Variants in FAAH2 observed in about 807,000 individuals in gnomAD.
FAAH2 encodes fatty-acid amide hydrolase 2.
In FAAH2, 60 loss-of-function variants were observed where a neutral mutation model predicts 36.9. That is an observed-to-expected ratio of 1.63 (90% CI 1.32 to 2.02). The LOEUF (loss-of-function observed/expected upper bound fraction) is 2.02. Ranked by LOEUF, FAAH2 falls within the 30% of genes most tolerant of loss-of-function variation. FAAH2 has a pLI of 0.00. For synonymous variants in FAAH2, 214 were observed against 143.8 expected, an observed-to-expected ratio of 1.49 and a Z score of -3.49; for missense variants, 689 against 397.5, an observed-to-expected ratio of 1.73 and a Z score of -6.23.
At chrX:57,180,703 T>C in the FAAH2 span, among the ~76,000 whole-genome samples, 1 of 110,553 alleles carries the variant, frequency 9.0e-6, no homozygotes, top group African/African-American at 3.3e-5. Flanking sequence ...CCACCAGAGG[T>C]AAAAAGAAGA....
At chrX:57,216,549 T>C in the FAAH2 span, among the ~76,000 whole-genome samples, 187 of 52,336 alleles carry the variant, frequency 3.6e-3, 8 homozygotes, top group African/African-American at 0.016. Context: ...TATACGTATA[T>C]GTATATATAT....
the FAAH2 span, among the ~76,000 whole-genome samples, chrX:57,233,267 C>A: frequency 4.5e-5 from 5 of 111,199 alleles, no homozygotes; most frequent in Non-Finnish European, 7.5e-5. Context: ...TCTGACCTCC[C>A]CTCTTTCTAT....
chrX:57,150,005 A>C, the FAAH2 span, among the ~76,000 whole-genome samples: 1 of 111,136 alleles, frequency 9.0e-6, no homozygotes, highest in Non-Finnish European at 1.9e-5. Flanking sequence ...TTCTGCCTTC[A>C]TTTTGTTATC....
At chrX:57,141,497 G>A in the FAAH2 span, among the ~76,000 whole-genome samples, 1 of 111,857 alleles carries the variant, frequency 8.9e-6, no homozygotes, top group Non-Finnish European at 1.9e-5. Flanking sequence ...AATGGTTTGA[G>A]TAGGATTTGT....
intron 3 of FAAH2, among the ~76,000 whole-genome samples, chrX:57,330,782 C>T (rs1486424284): frequency 9.0e-6 from 1 of 110,979 alleles, no homozygotes; most frequent in Non-Finnish European, 1.9e-5. Flanking sequence ...AGAAAAGAAC[C>T]TATGTGACTA....
the FAAH2 span, among the ~76,000 whole-genome samples, chrX:57,140,870 A>T: frequency 9.0e-6 from 1 of 111,597 alleles, no homozygotes; most frequent in Admixed American, 9.5e-5. Context: ...CTGCCTATCG[A>T]GTACTATGTT....
At chrX:57,378,560 T>C (rs995230811) in intron 5 of FAAH2, 91 bp from the exon 6 acceptor site, 1 of 1,091,001 alleles carries the variant, frequency 9.2e-7, no homozygotes, top group African/African-American at 1.8e-5. Context: ...GGAGAAAAAG[T>C]ATTTAAGATA....
the FAAH2 span, among the ~76,000 whole-genome samples, chrX:57,148,573 G>A: frequency 2.7e-5 from 3 of 111,439 alleles, no homozygotes; most frequent in Non-Finnish European, 5.7e-5. Context: ...TCTGTTATTG[G>A]TGTATAAGAA....
chrX:57,425,781 C>A (rs2056147268), intron 7 of FAAH2, among the ~76,000 whole-genome samples: 1 of 110,590 alleles, frequency 9.0e-6, no homozygotes, highest in African/African-American at 3.3e-5. Context: ...AACTCACAGG[C>A]CAAAGAATAT....
the FAAH2 span, among the ~76,000 whole-genome samples, chrX:57,174,715 G>A: frequency 9.0e-6 from 1 of 111,284 alleles, no homozygotes; most frequent in Non-Finnish European, 1.9e-5. Flanking sequence ...TAGGTGTTTA[G>A]TGCTATAAAG....
At chrX:57,149,577 T>C in the FAAH2 span, among the ~76,000 whole-genome samples, 1 of 111,828 alleles carries the variant, frequency 8.9e-6, no homozygotes, top group Non-Finnish European at 1.9e-5. Context: ...GATGGTAGTT[T>C]GTATTTCTGT....
chrX:57,447,966 C>T, intron 9 of FAAH2, among the ~76,000 whole-genome samples: 1 of 112,130 alleles, frequency 8.9e-6, no homozygotes, highest in East Asian at 2.8e-4. Context: ...TATCCATCAT[C>T]AGGCTGCAAA....
the FAAH2 span, among the ~76,000 whole-genome samples, chrX:57,220,174 C>A: frequency 9.2e-6 from 1 of 108,762 alleles, no homozygotes; most frequent in Non-Finnish European, 1.9e-5. Flanking sequence ...GACTGCTGTC[C>A]ACCCCTCCCA....
At chrX:57,272,733 C>T in the FAAH2 span, among the ~76,000 whole-genome samples, 7 of 112,313 alleles carry the variant, frequency 6.2e-5, no homozygotes, top group South Asian at 7.4e-4. Context: ...GCTAGATCTG[C>T]CTTACAGAGC....
chrX:57,218,536 C>A, the FAAH2 span, among the ~76,000 whole-genome samples: 1 of 111,983 alleles, frequency 8.9e-6, no homozygotes, highest in African/African-American at 3.2e-5. Flanking sequence ...CCCCTGCATC[C>A]CTGGTATGAA....
At chrX:57,369,513 CA>C (rs763348573) in intron 5 of FAAH2, among the ~76,000 whole-genome samples, 35 of 111,794 alleles carry the variant, frequency 3.1e-4, no homozygotes, top group Non-Finnish European at 5.6e-4. Flanking sequence ...ATCTGACTGA[CA>C]GCAGATTTAT....
the FAAH2 span, among the ~76,000 whole-genome samples, chrX:57,252,231 C>G: frequency 8.9e-6 from 1 of 112,709 alleles, no homozygotes; most frequent in Non-Finnish European, 1.9e-5. Context: ...AGCAAAGCAA[C>G]AGGGAAGCTC....
intron 2 of FAAH2, among the ~76,000 whole-genome samples, chrX:57,305,070 G>GTT (rs1288425318): frequency 9.1e-6 from 1 of 109,929 alleles, no homozygotes; most frequent in East Asian, 2.9e-4. Context: ...TTTTGTGTGT[G>GTT]TGTGTGTGTG....
At chrX:57,158,021 C>T in the FAAH2 span, among the ~76,000 whole-genome samples, 1 of 110,366 alleles carries the variant, frequency 9.1e-6, no homozygotes. Context: ...ACAACAGGCC[C>T]CGGTGTGTGA....
Sources: gnomAD v4.1 joint callset for allele counts (sites outside exome capture counted in the v4.1 genomes callset) on GRCh38, gnomAD v4.1.1 for gene constraint, MANE v1.5 for transcripts, NCBI Gene and HGNC (gene_info 2026-07-23, HGNC 2026-07-21) for gene names.